Variants in PAK5 observed in about 807,000 individuals in gnomAD.
PAK5 encodes p21 (RAC1) activated kinase 5, also known as serine/threonine-protein kinase PAK 5.
A neutral mutation model predicts 65.9 loss-of-function variants in PAK5; 16 were observed. The observed-to-expected ratio is 0.24, with a 90% confidence interval of 0.16 to 0.37. The LOEUF is 0.37. Ranked by LOEUF, PAK5 falls within the 10% of genes least tolerant of loss-of-function variation. The pLI is 1.00. For missense variants in PAK5, 785 were observed against 903.9 expected (o/e 0.87, Z 1.69); for synonymous variants, 371 against 354.9 (o/e 1.05, Z -0.51).
At chr20:9,733,452 C>A (rs991488015) in intron 1 of PAK5, among the ~76,000 whole-genome samples, 2 of 151,334 alleles carry the variant, frequency 1.3e-5, no homozygotes, top group Non-Finnish European at 2.9e-5. Flanking sequence ...CTTTTTCTCT[C>A]TTTCTATCTT....
At chr20:9,702,578 C>T (rs1442389419) in intron 2 of PAK5, among the ~76,000 whole-genome samples, 1 of 152,178 alleles carries the variant, frequency 6.6e-6, no homozygotes, top group African/African-American at 2.4e-5. Flanking sequence ...GGTTCCTTTG[C>T]CATCTCTGAA....
chr20:9,696,243 G>A (rs1382875919), intron 2 of PAK5, among the ~76,000 whole-genome samples: 5 of 152,030 alleles, frequency 3.3e-5, no homozygotes, highest in African/African-American at 1.2e-4. Context: ...GGTTCTCAAG[G>A]TGCAACCTCT....
intron 3 of PAK5, among the ~76,000 whole-genome samples, chr20:9,607,669 A>C (rs8121074): frequency 0.054 from 8,151 of 152,080 alleles, 354 homozygotes; most frequent in African/African-American, 0.12. Context: ...AATATTTTAA[A>C]AAATTAGCCA....
At chr20:9,771,874 C>CA (rs1028701689) in intron 1 of PAK5, among the ~76,000 whole-genome samples, 3 of 152,096 alleles carry the variant, frequency 2.0e-5, no homozygotes, top group African/African-American at 7.2e-5. Flanking sequence ...TCTATCTCCA[C>CA]AAAAAATACA....
intron 1 of PAK5, among the ~76,000 whole-genome samples, chr20:9,796,011 T>G (rs1010336684): frequency 5.9e-5 from 9 of 152,220 alleles, no homozygotes; most frequent in Non-Finnish European, 2.9e-5. Context: ...ATTAAATTGA[T>G]GGACCTTTAC....
chr20:9,721,915 A>T (rs902763967), intron 1 of PAK5, among the ~76,000 whole-genome samples: 2 of 152,142 alleles, frequency 1.3e-5, no homozygotes, highest in Non-Finnish European at 2.9e-5. Context: ...CTGTGCTGTC[A>T]CTTCTCCCAT....
intron 1 of PAK5, chr20:9,818,804 A>T (rs897118296): frequency 6.6e-6 from 1 of 152,172 alleles, no homozygotes; most frequent in Non-Finnish European, 1.5e-5. Context: ...AAACAAAATG[A>T]TAGCTGTATC....
chr20:9,537,494 T>G lies in PAK5; in HGVS notation c.*1968A>C. The G allele has an allele frequency of 4.7e-6, 1 of 212,038 alleles. No individual in the cohort carries two copies. Among genetic ancestry groups the G allele is most frequent in the Non-Finnish European group, 9.6e-6 (1 of 104,332 alleles). The allele number at this position is 212,038 out of a possible 1,614,324, so 13.1% of individuals were successfully genotyped here. On this transcript the variant is annotated 3_prime_UTR_variant, in exon 10 of 10. Transcript: ENST00000353224. ...AACTTTTGGTAAACTCAATGAATAC[T>G]TTAAAAAATACCCGATGGTAAGAAA...
intron 2 of PAK5, among the ~76,000 whole-genome samples, chr20:9,644,655 G>C (rs2047110064): frequency 1.3e-5 from 2 of 152,152 alleles, no homozygotes; most frequent in Admixed American, 1.3e-4. Context: ...TGAAGGCATT[G>C]TATGTTTCCA....
chr20:9,558,898 AG>A lies in PAK5; in HGVS notation c.1617-1165del, dbSNP rs1450920847. Among the ~76,000 whole-genome samples the A allele has an allele frequency of 3.3e-5, 5 of 152,184 alleles. No individual in the cohort carries two copies. In the East Asian group the frequency reaches 7.7e-4, roughly 24 times the overall value. ...TCCTTCTCCACAGTTTTAGAGGGGG[AG>A]GGGGAAGTCAGCTAACTGCCCAAGG... On this transcript the variant is annotated intron_variant, in intron 6 of 9. Transcript: ENST00000353224.
intron 2 of PAK5, among the ~76,000 whole-genome samples, chr20:9,656,096 A>G (rs2047264220): frequency 6.6e-6 from 1 of 152,114 alleles, no homozygotes; most frequent in South Asian, 2.1e-4. Context: ...CATGTTTAAA[A>G]CTTTTTTAAA....
At chr20:9,799,381 A>G (rs1397769866) in intron 1 of PAK5, among the ~76,000 whole-genome samples, 2 of 152,128 alleles carry the variant, frequency 1.3e-5, no homozygotes, top group Non-Finnish European at 2.9e-5. Flanking sequence ...TGTCCCTAAA[A>G]TGAAATGTAC....
At position 9,613,722 on chromosome 20, in the gene PAK5, C is replaced by T. The variant is rs1600143301; in HGVS notation, c.204+30403G>A. On this transcript the variant is annotated intron_variant, in intron 3 of 9. Transcript: ENST00000353224. Reference sequence around the variant, plus strand: ...AATGGACCTGGAGGAAAATAAAAACCCAACTCCATTTCCCCCTAGCCACCC... The same window carrying T: ...AATGGACCTGGAGGAAAATAAAAACTCAACTCCATTTCCCCCTAGCCACCC... Among the ~76,000 whole-genome samples the T allele has an allele frequency of 2.6e-5, 4 of 152,172 alleles. No individual in the cohort carries two copies. The East Asian group carries it at 7.7e-4, about 29-fold the overall frequency.
At chr20:9,685,001 T>C (rs1344376419) in intron 2 of PAK5, among the ~76,000 whole-genome samples, 3 of 152,218 alleles carry the variant, frequency 2.0e-5, no homozygotes, top group East Asian at 1.9e-4. Context: ...GGACTATAAA[T>C]GCACTCTCTC....
chr20:9,826,199 A>AT lies in PAK5; in HGVS notation c.-162+12562dup, dbSNP rs568750577. Reference sequence around the variant, plus strand: ...TGAATAAGAGAAGTCAGAAATCTAGATTTTTTTTTTTCTGGGAAATTTCAC... The same window carrying AT: ...TGAATAAGAGAAGTCAGAAATCTAGATTTTTTTTTTTTCTGGGAAATTTCAC... On this transcript the variant is annotated intron_variant, in intron 1 of 9. Transcript: ENST00000353224. Among the ~76,000 whole-genome samples the AT allele has an allele frequency of 4.4e-4, 65 of 147,184 alleles. 1 individual carries two copies. Among genetic ancestry groups the AT allele is most frequent in the South Asian group, 1.5e-3 (7 of 4,610 alleles).
chr20:9,762,645 T>G (rs1463708088), intron 1 of PAK5, among the ~76,000 whole-genome samples: 1 of 152,024 alleles, frequency 6.6e-6, no homozygotes, highest in Non-Finnish European at 1.5e-5. Context: ...ATGGAGAAAA[T>G]GGGACTCTGG....
chr20:9,771,895 A>G (rs114398864), intron 1 of PAK5, among the ~76,000 whole-genome samples: 3,132 of 152,128 alleles, frequency 0.021, 103 homozygotes, highest in African/African-American at 0.07. Flanking sequence ...AAAATTAGCC[A>G]GGTGTGCTGG....
rs74491089 is a variant in PAK5 at position 9,713,746 on chromosome 20, G to A, written c.-161-2311C>T. Among the ~76,000 whole-genome samples, 1,409 of 152,176 alleles carry A rather than the reference G, an allele frequency of 9.3e-3. 13 individuals are homozygous for A. Among genetic ancestry groups the A allele is most frequent in the Middle Eastern group, 0.044 (13 of 294 alleles). ...ATGGAATTGAAGGTTATTATGTTAA[G>A]TGAAACAAGCCAGGCAAAGAAAATG... On this transcript the variant is annotated intron_variant, in intron 1 of 9. Transcript: ENST00000353224.
At chr20:9,679,594 G>T (rs1254156483) in intron 2 of PAK5, among the ~76,000 whole-genome samples, 2 of 152,114 alleles carry the variant, frequency 1.3e-5, no homozygotes, top group Non-Finnish European at 2.9e-5. Flanking sequence ...AGAGGTCAAG[G>T]TGAGGTTATT....
Sources: gnomAD v4.1 joint callset for allele counts (sites outside exome capture counted in the v4.1 genomes callset) on GRCh38, gnomAD v4.1.1 for gene constraint, MANE v1.5 for transcripts, NCBI Gene and HGNC (gene_info 2026-07-23, HGNC 2026-07-21) for gene names.